LRMDA: variants seen among roughly 807,000 people sequenced by gnomAD.
LRMDA encodes the protein leucine-rich melanocyte differentiation-associated protein.
Under a neutral mutation model 29.8 loss-of-function variants are expected in LRMDA, and 18 were observed. The ratio of observed to expected loss-of-function variants is 0.60; its 90% CI spans 0.42 to 0.90. The LOEUF is 0.90. Among genes scored for constraint, LRMDA ranks in the 40% least tolerant of loss-of-function variants. The pLI is 0.00. For missense variants in LRMDA, 273 were observed against 273.9 expected (o/e 1.00, Z 0.02); for synonymous variants, 125 against 109.4 (o/e 1.14, Z -0.89).
At chr10:75,538,034 G>C (rs1589174037) in intron 2 of LRMDA, among the ~76,000 whole-genome samples, 1 of 152,144 alleles carries the variant, frequency 6.6e-6, no homozygotes, top group Non-Finnish European at 1.5e-5. Context: ...CATCACACCT[G>C]TTTGGGGTAT....
intron 2 of LRMDA, among the ~76,000 whole-genome samples, chr10:75,989,228 A>T (rs568544245): frequency 4.3e-4 from 66 of 152,370 alleles, no homozygotes; most frequent in African/African-American, 1.4e-3. Flanking sequence ...TGCTAATTGC[A>T]TTGCTATAAA....
rs1380641098 is a variant in LRMDA, at chr10:76,558,936, T to G, written c.*1648T>G. The G allele has an allele frequency of 1.3e-5, 2 of 152,224 alleles. No individual in the cohort carries two copies. The highest frequency in any genetic ancestry group is 2.9e-5 in the Non-Finnish European group (2 of 68,042). The allele number at this position is 152,224 out of a possible 1,614,324, so 9.4% of individuals were successfully genotyped here. A position where few individuals can be genotyped will look rare whatever the true frequency, so the allele number is the denominator to read the frequency against. ...GGAGAATGTTGAATGTTTGCATTTA[T>G]CTCTCAAATCCATTAGTAACTGGAT... On this transcript the variant is annotated 3_prime_UTR_variant, in exon 7 of 7. Transcript: ENST00000611255.
At chr10:76,235,077 A>G (rs1395033428) in intron 5 of LRMDA, among the ~76,000 whole-genome samples, 1 of 152,118 alleles carries the variant, frequency 6.6e-6, no homozygotes, top group Admixed American at 6.6e-5. Context: ...CTAGCTTTTG[A>G]TTTAAGTGTG....
intron 2 of LRMDA, chr10:75,451,860 C>T (rs1459160726): frequency 1.3e-5 from 2 of 148,222 alleles, no homozygotes; most frequent in African/African-American, 2.5e-5. Flanking sequence ...TTTTTCTTCT[C>T]AGCTATTGCT....
Position 76,121,835 on chromosome 10 carries a change from T to C in LRMDA, c.516+63052T>C, listed in dbSNP as rs77911173. 9.8e-4 allele frequency among the ~76,000 whole-genome samples: 150 copies of C among 152,294 alleles called. 3 individuals are homozygous for C. Among genetic ancestry groups the C allele is most frequent in the East Asian group, 6.8e-3 (35 of 5,172 alleles). ...AGAAAGCAATTATTCCTCTCCTCCT[T>C]TCTCCTCTAAATTCTATGGTTCCCA... On this transcript the variant is annotated intron_variant, in intron 5 of 6. Coordinates refer to ENST00000611255, the MANE Select transcript of LRMDA (RefSeq NM_001305581.2).
chr10:76,012,587 CA>C (rs975127425), intron 2 of LRMDA, among the ~76,000 whole-genome samples: 1 of 152,152 alleles, frequency 6.6e-6, no homozygotes, highest in African/African-American at 2.4e-5. Context: ...GTAACCCCTC[CA>C]AACAATTATA....
chr10:75,778,411 G>A (rs1451271152), intron 2 of LRMDA, among the ~76,000 whole-genome samples: 2 of 152,032 alleles, frequency 1.3e-5, no homozygotes, highest in Non-Finnish European at 2.9e-5. Context: ...TTCAACTTCT[G>A]CCACCTTCCC....
intron 5 of LRMDA, among the ~76,000 whole-genome samples, chr10:76,157,812 G>A (rs1488078467): frequency 6.6e-6 from 1 of 152,104 alleles, no homozygotes; most frequent in Non-Finnish European, 1.5e-5. Context: ...TTGTCATTGT[G>A]TGAACATCAT....
chr10:76,443,650 A>G (rs192526375), intron 6 of LRMDA, among the ~76,000 whole-genome samples: 17 of 152,126 alleles, frequency 1.1e-4, no homozygotes, highest in East Asian at 3.8e-4. Context: ...TTACATTTCA[A>G]CCACAGCCTT....
intron 2 of LRMDA, among the ~76,000 whole-genome samples, chr10:75,725,265 T>A (rs1842617630): frequency 6.6e-6 from 1 of 152,302 alleles, no homozygotes. Context: ...ATTCCTGTAA[T>A]CCACCGGTTA....
intron 2 of LRMDA, among the ~76,000 whole-genome samples, chr10:75,898,859 G>A (rs532470274): frequency 2.7e-4 from 41 of 152,278 alleles, no homozygotes; most frequent in African/African-American, 9.4e-4. Flanking sequence ...CTGGTTCAGG[G>A]CCTTAAACTT....
At chr10:75,795,177 C>T (rs922172861) in intron 2 of LRMDA, among the ~76,000 whole-genome samples, 30 of 151,996 alleles carry the variant, frequency 2.0e-4, no homozygotes, top group Admixed American at 3.9e-4. Flanking sequence ...AGGTGGATCA[C>T]GAGGTCAGGA....
intron 2 of LRMDA, among the ~76,000 whole-genome samples, chr10:75,795,416 TAAAAG>T (rs1843636225): frequency 1.3e-5 from 2 of 151,612 alleles, no homozygotes; most frequent in Admixed American, 1.3e-4. Flanking sequence ...TAAAATAAAA[TAAAAG>T]AAGAAAAAGA....
intron 5 of LRMDA, among the ~76,000 whole-genome samples, chr10:76,310,436 A>G (rs1222024581): frequency 2.0e-5 from 3 of 149,050 alleles, no homozygotes. Flanking sequence ...TGGGAATTTC[A>G]GGGCCTTTAC....
chr10:75,556,491 C>T (rs1269525664), intron 2 of LRMDA, among the ~76,000 whole-genome samples: 2 of 152,144 alleles, frequency 1.3e-5, no homozygotes, highest in African/African-American at 4.8e-5. Context: ...CATCTGCGTG[C>T]CAGGAACAGG....
At chr10:75,570,301 TTTAC>T (rs1229150619) in intron 2 of LRMDA, among the ~76,000 whole-genome samples, 9 of 152,218 alleles carry the variant, frequency 5.9e-5, no homozygotes, top group African/African-American at 2.2e-4. Context: ...TACTGATCTA[TTTAC>T]TTACTTAAAT....
chr10:76,096,033 T>C (rs780335045), intron 5 of LRMDA, among the ~76,000 whole-genome samples: 11 of 152,198 alleles, frequency 7.2e-5, no homozygotes, highest in Admixed American at 3.3e-4. Flanking sequence ...TTTTGAGATA[T>C]GTATTTTGAA....
At chr10:76,537,569 G>A (rs1188538273) in intron 6 of LRMDA, among the ~76,000 whole-genome samples, 1 of 152,078 alleles carries the variant, frequency 6.6e-6, no homozygotes, top group Admixed American at 6.5e-5. Context: ...CTTGCTCCTG[G>A]CCCCTTCCTC....
At chr10:76,236,613 A>G (rs1852156585) in intron 5 of LRMDA, among the ~76,000 whole-genome samples, 1 of 151,990 alleles carries the variant, frequency 6.6e-6, no homozygotes, top group Admixed American at 6.6e-5. Context: ...CCTTGGGGAG[A>G]TGGATTTGAG....
Sources: allele counts gnomAD v4.1 joint callset (sites outside exome capture counted in the v4.1 genomes callset), GRCh38; gene constraint gnomAD v4.1.1; transcripts MANE v1.5; gene names NCBI Gene and HGNC (gene_info 2026-07-23, HGNC 2026-07-21).